The following POU6F2 variants were observed in gnomAD, a reference collection of about 807,000 sequenced individuals.
POU6F2 encodes the protein POU class 6 homeobox 2, also known as POU domain, class 6, transcription factor 2.
In POU6F2, 31 loss-of-function variants were observed where a neutral mutation model predicts 71.3. That is an observed-to-expected ratio of 0.43 (90% CI 0.33 to 0.59). The LOEUF is 0.59. Among genes scored for constraint, POU6F2 ranks in the 20% least tolerant of loss-of-function variants. POU6F2 has a pLI of 0.04. For synonymous variants in POU6F2, 347 were observed against 355.7 expected (o/e 0.98, Z 0.27); for missense variants, 783 against 856.8 (o/e 0.91, Z 1.07).
chr7:39,260,566 A>G (rs948386626), intron 4 of POU6F2, among the ~76,000 whole-genome samples: 2 of 149,838 alleles, frequency 1.3e-5, no homozygotes, highest in Non-Finnish European at 3.0e-5. Flanking sequence ...TTCCACACAC[A>G]TACCACATTC....
At chr7:39,445,989 T>G (rs1485581643) in intron 7 of POU6F2, among the ~76,000 whole-genome samples, 1 of 152,204 alleles carries the variant, frequency 6.6e-6, no homozygotes, top group Non-Finnish European at 1.5e-5. Context: ...CCAGGCTTAC[T>G]AAATTAGAAA....
At chr7:39,074,624 A>C (rs950267059) in intron 1 of POU6F2, among the ~76,000 whole-genome samples, 4 of 152,114 alleles carry the variant, frequency 2.6e-5, no homozygotes, top group African/African-American at 9.7e-5. Context: ...CTAATATTTG[A>C]AGTGTGTGGA....
chr7:39,288,605 G>A (rs1376291878), intron 4 of POU6F2, among the ~76,000 whole-genome samples: 1 of 152,136 alleles, frequency 6.6e-6, no homozygotes, highest in Non-Finnish European at 1.5e-5. Context: ...TGAATCATCT[G>A]TCCTACAGTG....
chr7:39,386,682 A>G (rs1034099111), intron 5 of POU6F2, among the ~76,000 whole-genome samples: 1 of 152,174 alleles, frequency 6.6e-6, no homozygotes, highest in Non-Finnish European at 1.5e-5. Context: ...ACTTTATTTT[A>G]TTTATAATTC....
chr7:39,003,472 G>A (rs947970941), intron 1 of POU6F2, among the ~76,000 whole-genome samples: 20 of 151,760 alleles, frequency 1.3e-4, no homozygotes, highest in African/African-American at 4.8e-4. Flanking sequence ...TGGTCACGGT[G>A]GCTCATGCCT....
chr7:39,367,669 T>G (rs564987579), intron 5 of POU6F2, among the ~76,000 whole-genome samples: 1 of 152,256 alleles, frequency 6.6e-6, no homozygotes, highest in Non-Finnish European at 1.5e-5. Context: ...TGTATTGCAC[T>G]TTGCTTTATT....
rs573853490 is a variant in POU6F2, at chr7:39,212,969, A to G, written c.598+5349A>G. 2.0e-5 allele frequency among the ~76,000 whole-genome samples: 3 copies of G among 152,352 alleles called. No individual in the cohort carries two copies. The South Asian group carries it at 6.2e-4, about 32-fold the overall frequency. On this transcript the variant is annotated intron_variant, in intron 4 of 9. Transcript: ENST00000518318. Reference sequence around the variant, plus strand: ...GTGACAACAGGCAGCAAAAGGGTTAATGGAACGGTAGAGCTGAGTCTACTT... The same window carrying G: ...GTGACAACAGGCAGCAAAAGGGTTAGTGGAACGGTAGAGCTGAGTCTACTT...
chr7:39,380,622 C>A (rs1406156638), intron 5 of POU6F2, among the ~76,000 whole-genome samples: 3 of 152,156 alleles, frequency 2.0e-5, no homozygotes, highest in African/African-American at 7.2e-5. Context: ...AAAGTCACCT[C>A]ATTATAAATT....
chr7:39,313,604 G>A (rs753327153), intron 4 of POU6F2, among the ~76,000 whole-genome samples: 44 of 151,866 alleles, frequency 2.9e-4, no homozygotes, highest in Admixed American at 5.9e-4. Context: ...TTCCTTCCCC[G>A]TCCATCCCCT....
chr7:39,262,251 CCTAA>C (rs1784150140), intron 4 of POU6F2, among the ~76,000 whole-genome samples: 1 of 152,124 alleles, frequency 6.6e-6, no homozygotes, highest in South Asian at 2.1e-4. Context: ...GAGGAAGAGA[CCTAA>C]CTGGCAACTG....
intron 5 of POU6F2, among the ~76,000 whole-genome samples, chr7:39,369,685 A>G (rs763366413): frequency 7.2e-5 from 11 of 151,988 alleles, no homozygotes; most frequent in Non-Finnish European, 1.6e-4. Context: ...TTTTTTAACA[A>G]TAAAGTATTT....
chr7:39,367,853 G>T (rs1751134789), intron 5 of POU6F2, among the ~76,000 whole-genome samples: 1 of 152,070 alleles, frequency 6.6e-6, no homozygotes, highest in South Asian at 2.1e-4. Context: ...ATCTTCTATG[G>T]TGATCTGTGG....
chr7:39,411,090 C>T (rs1304553557), intron 6 of POU6F2, among the ~76,000 whole-genome samples: 2 of 152,172 alleles, frequency 1.3e-5, no homozygotes, highest in South Asian at 2.1e-4. Context: ...TAACTGTGCA[C>T]AAAAACCCAT....
chr7:39,402,359 T>C (rs1583576251), intron 5 of POU6F2, among the ~76,000 whole-genome samples: 1 of 152,216 alleles, frequency 6.6e-6, no homozygotes, highest in East Asian at 1.9e-4. Flanking sequence ...CAAATATCCA[T>C]ATTGATATGT....
intron 5 of POU6F2, among the ~76,000 whole-genome samples, chr7:39,344,077 C>T (rs1351610932): frequency 6.6e-6 from 1 of 152,178 alleles, no homozygotes; most frequent in African/African-American, 2.4e-5. Flanking sequence ...TTTTCCACAC[C>T]TATACATTAG....
At chr7:39,072,687 T>C (rs1039746169) in intron 1 of POU6F2, among the ~76,000 whole-genome samples, 8 of 152,232 alleles carry the variant, frequency 5.3e-5, no homozygotes, top group Admixed American at 1.3e-4. Context: ...CTTGAATGGC[T>C]GTGTGGAAAC....
chr7:39,197,431 T>C (rs1444173874), intron 2 of POU6F2, among the ~76,000 whole-genome samples: 1 of 152,256 alleles, frequency 6.6e-6, no homozygotes, highest in Non-Finnish European at 1.5e-5. Flanking sequence ...GACCTGCGTT[T>C]GTAATTTGCA....
rs190074667 is a variant in POU6F2, at chr7:39,299,659, C to T, written c.599-39983C>T. ...TAAAAATCGTGAGAACTAAATAAACCGGATTTAAGGAGCATTTGGTTAGAA... is the reference window on the plus strand; with the variant it reads ...TAAAAATCGTGAGAACTAAATAAACTGGATTTAAGGAGCATTTGGTTAGAA... On this transcript the variant is annotated intron_variant, in intron 4 of 9. Coordinates refer to ENST00000518318, the MANE Select transcript of POU6F2 (RefSeq NM_001370959.1). Among the ~76,000 whole-genome samples, 21 of 152,152 alleles carry T rather than the reference C, an allele frequency of 1.4e-4. No homozygotes were observed. The East Asian group carries it at 3.7e-3, about 27-fold the overall frequency.
chr7:39,037,221 C>A (rs1181389157), intron 1 of POU6F2, among the ~76,000 whole-genome samples: 1 of 151,978 alleles, frequency 6.6e-6, no homozygotes, highest in Non-Finnish European at 1.5e-5. Flanking sequence ...CCAAAGCATC[C>A]CTGAATGTGC....
Sources: allele counts gnomAD v4.1 joint callset (sites outside exome capture counted in the v4.1 genomes callset), GRCh38; gene constraint gnomAD v4.1.1; transcripts MANE v1.5; gene names NCBI Gene and HGNC (gene_info 2026-07-23, HGNC 2026-07-21).